The following ADGRV1 variants were observed in gnomAD, a reference collection of about 807,000 sequenced individuals.
ADGRV1 encodes the protein G-protein coupled receptor 98.
In ADGRV1, 359 loss-of-function variants were observed where a neutral mutation model predicts 596.2. The observed-to-expected ratio is 0.60, with a 90% CI of 0.55 to 0.66. ADGRV1 has a LOEUF of 0.66. Ranked by LOEUF, ADGRV1 falls within the 30% of genes least tolerant of loss-of-function variation. ADGRV1 has a pLI of 0.00. For missense variants in ADGRV1, 7,274 were observed against 7,575.6 expected (o/e 0.96, Z 1.48); for synonymous variants, 2,681 against 2,679.2 (o/e 1.00, Z -0.02).
At chr5:90,671,212 C>A (rs6866075) in intron 21 of ADGRV1, among the ~76,000 whole-genome samples, 14,236 of 152,192 alleles carry the variant, frequency 0.094, 762 homozygotes, top group African/African-American at 0.13. Flanking sequence ...GAGGCTCAGG[C>A]AGCAGGAGGT....
At chr5:90,802,614 G>A (rs1163720802) in intron 70 of ADGRV1, 125 bp from the exon 71 acceptor site, 1 of 741,406 alleles carries the variant, frequency 1.3e-6, no homozygotes, top group African/African-American at 1.8e-5. Context: ...ATGGGGAAAA[G>A]TGCATGTATT....
chr5:90,923,067 C>T (rs189556076), intron 83 of ADGRV1, among the ~76,000 whole-genome samples: 11 of 152,246 alleles, frequency 7.2e-5, no homozygotes, highest in African/African-American at 2.2e-4. Context: ...GCACTAAACC[C>T]ACCAAATTAT....
chr5:90,961,250 C>A (rs1484470868), intron 83 of ADGRV1, among the ~76,000 whole-genome samples: 3 of 152,172 alleles, frequency 2.0e-5, no homozygotes, highest in South Asian at 2.1e-4. Context: ...CCTGTAATCC[C>A]AGCACTTTGG....
chr5:91,130,576 A>G (rs1013622703), intron 87 of ADGRV1, among the ~76,000 whole-genome samples: 1 of 151,880 alleles, frequency 6.6e-6, no homozygotes, highest in Non-Finnish European at 1.5e-5. Flanking sequence ...ACATCAAAAC[A>G]TAAAGTATCT....
intron 1 of ADGRV1, among the ~76,000 whole-genome samples, chr5:90,573,026 C>T (rs1017365889): frequency 6.6e-6 from 1 of 152,110 alleles, no homozygotes; most frequent in African/African-American, 2.4e-5. Context: ...TTGAAGGTTT[C>T]CCTTAGATCT....
chr5:90,729,790 A>C (rs1251524507), intron 50 of ADGRV1, 26 bp downstream of exon 50: 1 of 1,608,682 alleles, frequency 6.2e-7, no homozygotes, highest in Non-Finnish European at 8.5e-7. Flanking sequence ...CTGCTCACCA[A>C]TTCTAAAGGT....
intron 83 of ADGRV1, among the ~76,000 whole-genome samples, chr5:90,907,157 T>G (rs1772405680): frequency 6.6e-6 from 1 of 152,186 alleles, no homozygotes; most frequent in Non-Finnish European, 1.5e-5. Context: ...TGTTGACATT[T>G]CTCTTTTTAA....
Position 90,823,579 on chromosome 5 carries a change from G to T in ADGRV1, c.16351G>T (p.Glu5451Ter). ...MGQTKCFISI[E>*]LKPEKVPQVE... Reference sequence around the variant, plus strand: ...TCAAACAAAATGCTTTATCAGCATTGAACTCAAACCAGAAAAGGTAAGAAA... The same window carrying T: ...TCAAACAAAATGCTTTATCAGCATTTAACTCAAACCAGAAAAGGTAAGAAA... The change falls in exon 76 of 90, where the codon GAA becomes TAA. Residue 5451 changes from glutamate to a stop codon, truncating the protein, a stop_gained. Transcript: ENST00000405460. LOFTEE classifies it high-confidence loss of function. 1 of 1,613,672 alleles carries T rather than the reference G, an allele frequency of 6.2e-7. No individual in the cohort carries two copies. The highest frequency in any genetic ancestry group is 1.1e-5 in the South Asian group (1 of 91,032).
At chr5:91,106,110 T>G (rs943520111) in intron 87 of ADGRV1, among the ~76,000 whole-genome samples, 1 of 152,080 alleles carries the variant, frequency 6.6e-6, no homozygotes, top group Admixed American at 6.5e-5. Context: ...TACATTTAGG[T>G]CTTTGATCCA....
At chr5:90,920,989 G>A (rs7723305) in intron 83 of ADGRV1, among the ~76,000 whole-genome samples, 34,905 of 152,064 alleles carry the variant, frequency 0.23, 4,625 homozygotes, top group Non-Finnish European at 0.31. Context: ...TGTGAACTAT[G>A]TAAAAAGTGA....
chr5:90,952,303 A>G (rs768204217), intron 83 of ADGRV1, among the ~76,000 whole-genome samples: 6 of 152,056 alleles, frequency 3.9e-5, no homozygotes, highest in Non-Finnish European at 8.8e-5. Context: ...AAAACAACTG[A>G]TTGTCTATGG....
chr5:90,665,538 A>G (rs1771191601), intron 21 of ADGRV1, among the ~76,000 whole-genome samples: 1 of 150,438 alleles, frequency 6.6e-6, no homozygotes, highest in Admixed American at 6.6e-5. Flanking sequence ...CGGTCTATTT[A>G]TTTTGTCGAT....
At chr5:90,725,508 C>CAGA in intron 47 of ADGRV1, 41 bp from the exon 48 acceptor site, 1 of 1,084,340 alleles carries the variant, frequency 9.2e-7, no homozygotes, top group East Asian at 2.4e-5. Context: ...TTTCTTAGTT[C>CAGA]AACTCTCCTT....
intron 83 of ADGRV1, among the ~76,000 whole-genome samples, chr5:90,897,256 AT>A (rs1205575466): frequency 2.0e-5 from 3 of 152,244 alleles, no homozygotes; most frequent in Non-Finnish European, 2.9e-5. Context: ...TCAAATAAAA[AT>A]AAACTGTTGA....
chr5:90,648,299 C>A (rs1002026776), intron 17 of ADGRV1, among the ~76,000 whole-genome samples: 14 of 152,162 alleles, frequency 9.2e-5, no homozygotes, highest in Non-Finnish European at 1.8e-4. Context: ...ATGTTTTAAC[C>A]CCACTCTTTG....
intron 50 of ADGRV1, among the ~76,000 whole-genome samples, chr5:90,734,148 T>G (rs1341945568): frequency 6.6e-6 from 1 of 152,218 alleles, no homozygotes; most frequent in Non-Finnish European, 1.5e-5. Flanking sequence ...TATACCACAT[T>G]TTCTTTATCC....
chr5:90,817,883 C>A (rs1298807087), intron 75 of ADGRV1, among the ~76,000 whole-genome samples: 1 of 152,008 alleles, frequency 6.6e-6, no homozygotes, highest in Non-Finnish European at 1.5e-5. Flanking sequence ...CTTAGGATTG[C>A]CTTGGCGATG....
chr5:90,685,644 T>C (rs11745774), intron 28 of ADGRV1, 136 bp from the exon 29 acceptor site: 1 of 273,428 alleles, frequency 3.7e-6, no homozygotes, highest in Non-Finnish European at 6.7e-6. Flanking sequence ...ATAAATAAAA[T>C]AAATAGTAGA....
chr5:91,131,328 GT>G (rs1394338760), intron 87 of ADGRV1, among the ~76,000 whole-genome samples: 1 of 150,836 alleles, frequency 6.6e-6, no homozygotes, highest in African/African-American at 2.4e-5. Context: ...TCTCATTATG[GT>G]TTTTATTTGT....
Sources: allele counts gnomAD v4.1 joint callset (sites outside exome capture counted in the v4.1 genomes callset), GRCh38; gene constraint gnomAD v4.1.1; transcripts MANE v1.5; gene names NCBI Gene and HGNC (gene_info 2026-07-23, HGNC 2026-07-21).